NEDD9: variants seen among roughly 807,000 people sequenced by gnomAD.
NEDD9 encodes the protein neural precursor cell expressed, developmentally down-regulated 9.
NEDD9 carries 26 observed loss-of-function variants against 76.6 expected under a neutral mutation model. That is an observed-to-expected ratio of 0.34 (90% confidence interval 0.25 to 0.47). NEDD9 has a LOEUF of 0.47. Ranked by LOEUF, NEDD9 falls within the 20% of genes least tolerant of loss-of-function variation. The pLI is 1.00. For missense variants in NEDD9, 937 were observed against 1,058.5 expected (o/e 0.89, Z 1.59); for synonymous variants, 392 against 414.2 (o/e 0.95, Z 0.65).
intron 2 of NEDD9, among the ~76,000 whole-genome samples, chr6:11,309,631 C>T (rs963139145): frequency 6.6e-6 from 1 of 152,178 alleles, no homozygotes; most frequent in Non-Finnish European, 1.5e-5. Context: ...TATAATAGCT[C>T]CCATTGCTTC....
At chr6:11,346,951 T>C (rs1224594167) in intron 1 of NEDD9, among the ~76,000 whole-genome samples, 1 of 152,014 alleles carries the variant, frequency 6.6e-6, no homozygotes, top group East Asian at 1.9e-4. Flanking sequence ...CTCCCCAAAC[T>C]CCATTTCTAT....
In NEDD9 at chr6:11,185,426, C is replaced by T; in HGVS notation, c.2241G>A (p.Lys747=). The T allele has an allele frequency of 6.2e-7, 1 of 1,614,244 alleles. No individual in the cohort carries two copies. Residue 747 remains lysine, a synonymous_variant, in exon 7 of 7, where the codon AAG becomes AAA. Coordinates refer to ENST00000379446, the MANE Select transcript of NEDD9 (RefSeq NM_006403.4). The part of the protein sequence containing the change: ...QPPRIFVAHS[K]FVILSAHKLV... The stretch of plus-strand genomic sequence containing the variant: ...GTTTGTGTGCACTGAGGATGACAAA[C>T]TTGCTGTGTGCCACGAAGATTCGCG...
At chr6:11,308,661 G>A (rs1259538240) in intron 2 of NEDD9, among the ~76,000 whole-genome samples, 4 of 151,912 alleles carry the variant, frequency 2.6e-5, no homozygotes, top group Non-Finnish European at 5.9e-5. Context: ...GAGCCACCGC[G>A]CCCGGCCGGG....
chr6:11,317,261 C>T (rs1406750411), intron 2 of NEDD9, among the ~76,000 whole-genome samples: 2 of 151,820 alleles, frequency 1.3e-5, no homozygotes, highest in Non-Finnish European at 1.5e-5. Context: ...GGTGAAACCC[C>T]GTCTCTACTA....
At chr6:11,365,117 C>T (rs1367199422) in intron 1 of NEDD9, among the ~76,000 whole-genome samples, 3 of 152,032 alleles carry the variant, frequency 2.0e-5, no homozygotes, top group Non-Finnish European at 2.9e-5. Flanking sequence ...GATGGGAACA[C>T]GCTGTCTGAC....
At chr6:11,380,534 T>C (rs1763043624) in intron 1 of NEDD9, among the ~76,000 whole-genome samples, 1 of 152,208 alleles carries the variant, frequency 6.6e-6, no homozygotes, top group Non-Finnish European at 1.5e-5. Context: ...AGCTCTCAGG[T>C]CATGAGATAA....
intron 1 of NEDD9, among the ~76,000 whole-genome samples, chr6:11,215,933 G>A (rs1758941169): frequency 6.6e-6 from 1 of 152,238 alleles, no homozygotes; most frequent in African/African-American, 2.4e-5. Flanking sequence ...AGGCACTGAA[G>A]TGGAGCACCG....
Position 11,208,414 on chromosome 6 carries a change from G to A in NEDD9, c.459+4867C>T, listed in dbSNP as rs1758673611. 2.0e-5 allele frequency among the ~76,000 whole-genome samples: 3 copies of A among 152,324 alleles called. No individual in the cohort carries two copies. In the South Asian group the frequency reaches 6.2e-4, roughly 32 times the overall value. The stretch of plus-strand genomic sequence containing the variant: ...CGAGGGAAATGACTGTATATAATCT[G>A]ACACCTCTCATACCAGATGGTAATG... On this transcript the variant is annotated intron_variant, in intron 2 of 6. Transcript: ENST00000379446.
At position 11,268,134 on chromosome 6, in the gene NEDD9, A is replaced by T. The variant is rs1357163459; in HGVS notation, c.12+37858T>A. 3.3e-5 allele frequency among the ~76,000 whole-genome samples: 5 copies of T among 151,830 alleles called. No individual in the cohort carries two copies. The East Asian group carries it at 9.7e-4, about 30-fold the overall frequency. ...AGCCTCAACTGCCCAGGCTCAGGCG[A>T]TTCTCCCTCCTTACTCTCCCTAGTA... On this transcript the variant is annotated intron_variant, in intron 3 of 3. Coordinates refer to the NEDD9 transcript ENST00000397378.
Position 11,241,764 on chromosome 6 carries a change from A to C in NEDD9, c.13-28037T>G, listed in dbSNP as rs753948101. ...GCCCAGCTGACCCAGCCCTCCAAGA[A>C]GGCCTCCCTCCCGTGCCCCGCTGCC... On this transcript the variant is annotated intron_variant, in intron 3 of 3. Transcript: ENST00000397378. The surrounding 1 kb of genome is among the most constrained non-coding windows in gnomAD (Gnocchi z 4.0). 6.6e-6 allele frequency among the ~76,000 whole-genome samples: 1 copy of C among 152,138 alleles called. No individual in the cohort carries two copies. The highest frequency in any genetic ancestry group is 2.4e-5 in the African/African-American group (1 of 41,440).
In NEDD9 at chr6:11,190,740, G is replaced by A. The variant is rs775837555; in HGVS notation, c.1129C>T (p.Arg377Trp). 7 of 1,614,020 alleles carry A rather than the reference G, an allele frequency of 4.3e-6. No individual in the cohort carries two copies. The highest frequency in any genetic ancestry group is 5.9e-6 in the Non-Finnish European group (7 of 1,180,046). The change falls in exon 5 of 7, where the codon CGG becomes TGG. Residue 377 changes from arginine (R) to tryptophan (W), a missense_variant. Physicochemically the swap from Arg to Trp is moderately radical, Grantham distance 101. Transcript: ENST00000379446. This position sits in a 1 kb window ranked among gnomAD's most constrained non-coding sequence, Gnocchi z 5.8. ...RLSFSSTGST[R>W]SNMSTSSTSS... is the part of the protein sequence containing the mutation. ...GTGGAAGACGTGGACATGTTACTCC[G>A]GGTGCTGCCTGTACTGGAGAAAGAC...
At chr6:11,326,083 T>C (rs1441112687) in intron 2 of NEDD9, among the ~76,000 whole-genome samples, 4 of 149,736 alleles carry the variant, frequency 2.7e-5, no homozygotes, top group Non-Finnish European at 5.9e-5. Flanking sequence ...GAGGCGGAGG[T>C]TGCAGTGAAC....
At chr6:11,308,361 CTTTTT>C (rs933892327) in intron 2 of NEDD9, among the ~76,000 whole-genome samples, 4 of 87,850 alleles carry the variant, frequency 4.6e-5, no homozygotes, top group Non-Finnish European at 6.4e-5. Context: ...GATGGGACAT[CTTTTT>C]TTTTTTTTTT....
At chr6:11,229,100 T>TCACGGCA (rs1759391049) in intron 1 of NEDD9, among the ~76,000 whole-genome samples, 1 of 152,246 alleles carries the variant, frequency 6.6e-6, no homozygotes, top group South Asian at 2.1e-4. Context: ...CCAAAGCGTT[T>TCACGGCA]CACGGCACAC....
chr6:11,286,114 A>G (rs1760643857), intron 3 of NEDD9, among the ~76,000 whole-genome samples: 1 of 152,250 alleles, frequency 6.6e-6, no homozygotes. Flanking sequence ...AATTGTAGCC[A>G]GAATAGATAA....
intron 3 of NEDD9, among the ~76,000 whole-genome samples, chr6:11,287,537 C>T (rs1760677705): frequency 1.3e-5 from 2 of 152,112 alleles, no homozygotes; most frequent in South Asian, 4.2e-4. Context: ...CACACACACA[C>T]ACACACACAC....
chr6:11,193,702 A>G lies in NEDD9; in HGVS notation c.460-10T>C. The stretch of plus-strand genomic sequence containing the variant: ...TCACGGGGGTTATCACCTGTGGGAG[A>G]GAAGGCACAGAGGTGTAAATTTCCA... On this transcript the variant is annotated splice_polypyrimidine_tract_variant and intron_variant, in intron 2 of 6. Transcript: ENST00000379446. The G allele has an allele frequency of 6.2e-7, 1 of 1,600,204 alleles. No individual in the cohort carries two copies. The highest frequency in any genetic ancestry group is 1.3e-5 in the African/African-American group (1 of 74,708).
At chr6:11,217,119 G>A (rs1392842607) in intron 1 of NEDD9, among the ~76,000 whole-genome samples, 1 of 152,248 alleles carries the variant, frequency 6.6e-6, no homozygotes, top group Non-Finnish European at 1.5e-5. Flanking sequence ...TGAGGCAGGA[G>A]TTGGACTTTC....
intron 3 of NEDD9, chr6:11,271,376 C>T (rs1760305115): frequency 1.3e-5 from 2 of 152,318 alleles, no homozygotes; most frequent in African/African-American, 4.8e-5. Context: ...CTTCAGCTGC[C>T]TTTGGCAGAA....
Sources: allele counts gnomAD v4.1 joint callset (sites outside exome capture counted in the v4.1 genomes callset), GRCh38; gene constraint gnomAD v4.1.1; non-coding constraint Gnocchi (gnomAD v3.1); transcripts MANE v1.5; gene names NCBI Gene and HGNC (gene_info 2026-07-23, HGNC 2026-07-21).